Variants in RP1L1 observed in about 807,000 individuals in gnomAD.
The protein encoded by RP1L1 is retinitis pigmentosa 1-like 1 protein.
RP1L1 carries 27 observed loss-of-function variants against 15.7 expected under a neutral mutation model. The observed-to-expected ratio is 1.72, with a 90% confidence interval of 1.27 to 2.38. The LOEUF is 2.38. Among genes scored for constraint, RP1L1 ranks in the 30% most tolerant of loss-of-function variants. The pLI, the probability that RP1L1 is intolerant of heterozygous loss-of-function variation, is 0.00. For missense variants in RP1L1, 4,798 were observed against 3,075.9 expected, an observed-to-expected ratio of 1.56 and a Z score of -13.24; for synonymous variants, 1,813 against 1,276.7, an observed-to-expected ratio of 1.42 and a Z score of -8.96.
rs763480431 is a variant in RP1L1, at chr8:10,610,667, G to A, written c.3431C>T (p.Ser1144Phe). Residue 1144 changes from serine (S) to phenylalanine (F), a missense_variant, in exon 4 of 4, where the codon TCC becomes TTC. By Grantham distance (155) the Ser-to-Phe change is radical (BLOSUM62 -2). Coordinates refer to ENST00000382483, the MANE Select transcript of RP1L1 (RefSeq NM_178857.6). ...GCTGAGCAGCTCCTGGTACCGAGGGGAGTCTTTGAACCTCACTTTGCTGGC... is the reference window on the plus strand; with the variant it reads ...GCTGAGCAGCTCCTGGTACCGAGGGAAGTCTTTGAACCTCACTTTGCTGGC... ...SPASKVRFKD[S>F]PRYQELLSIS... 46 of 1,612,212 alleles carry A rather than the reference G, an allele frequency of 2.9e-5. No individual in the cohort carries two copies. The East Asian group carries it at 9.8e-4, about 34-fold the overall frequency.
At chr8:10,617,284 T>C (rs1250730189) in intron 2 of RP1L1, among the ~76,000 whole-genome samples, 2 of 151,796 alleles carry the variant, frequency 1.3e-5, no homozygotes, top group Non-Finnish European at 2.9e-5. Context: ...GTTTGCACTA[T>C]TGATGGGATT....
rs1797855650 is a variant in RP1L1, at chr8:10,611,559, A to C, written c.2539T>G (p.Trp847Gly). Residue 847 changes from tryptophan to glycine, a missense_variant, in exon 4 of 4, where the codon TGG (tryptophan) becomes GGG (glycine). By Grantham distance (184) the Trp-to-Gly change is radical. Coordinates refer to ENST00000382483, the MANE Select transcript of RP1L1 (RefSeq NM_178857.6). Reference sequence around the variant, plus strand: ...GTGGGACAGTACCTGCCACACAGCCAGCTAGCCTCAGGGGAGGGTCCCCGC... The same window carrying C: ...GTGGGACAGTACCTGCCACACAGCCCGCTAGCCTCAGGGGAGGGTCCCCGC... The part of the protein sequence containing the change: ...AQRGPSPEAS[W>G]LCGRYCPTPP... 2 of 1,602,028 alleles carry C rather than the reference A, an allele frequency of 1.2e-6. No homozygotes were observed. The highest frequency in any genetic ancestry group is 1.3e-5 in the African/African-American group (1 of 74,824).
chr8:10,651,755 T>TAAAAA (rs56269757), intron 1 of RP1L1, among the ~76,000 whole-genome samples: 7 of 101,760 alleles, frequency 6.9e-5, no homozygotes, highest in African/African-American at 1.1e-4. Context: ...GACTCCGTCT[T>TAAAAA]AAAAAAAAAA....
intron 2 of RP1L1, among the ~76,000 whole-genome samples, chr8:10,618,132 GCC>G (rs1798000581): frequency 1.3e-5 from 2 of 152,262 alleles, no homozygotes; most frequent in Middle Eastern, 3.4e-3. Context: ...TCTCTCATTG[GCC>G]AGCCATGCAA....
chr8:10,637,720 C>G, intron 1 of RP1L1, among the ~76,000 whole-genome samples: 1 of 152,320 alleles, frequency 6.6e-6, no homozygotes, highest in East Asian at 1.9e-4. Flanking sequence ...TAGCTGATAT[C>G]TGTGGTAACT....
chr8:10,650,952 G>A (rs1013901419), intron 1 of RP1L1, among the ~76,000 whole-genome samples: 17 of 152,296 alleles, frequency 1.1e-4, no homozygotes, highest in South Asian at 4.1e-4. Flanking sequence ...TATTATCCCC[G>A]TTTGATAAGT....
chr8:10,625,986 C>A (rs551061157), intron 1 of RP1L1, among the ~76,000 whole-genome samples: 1 of 151,792 alleles, frequency 6.6e-6, no homozygotes, highest in African/African-American at 2.4e-5. Context: ...AAAGCAGAGG[C>A]CTTCCAGCTG....
At chr8:10,614,400 C>T (rs958125280) in intron 3 of RP1L1, among the ~76,000 whole-genome samples, 1 of 152,106 alleles carries the variant, frequency 6.6e-6, no homozygotes, top group South Asian at 2.1e-4. Context: ...TAGCTCACGC[C>T]TGTAATCCCA....
At chr8:10,620,865 T>C (rs552097275) in intron 2 of RP1L1, among the ~76,000 whole-genome samples, 1 of 152,150 alleles carries the variant, frequency 6.6e-6, no homozygotes, top group South Asian at 2.1e-4. Context: ...CCACGGCCCA[T>C]GTAGTGAGGA....
chr8:10,653,459 AAC>A (rs57172931), intron 1 of RP1L1, among the ~76,000 whole-genome samples: 27 of 148,724 alleles, frequency 1.8e-4, no homozygotes, highest in African/African-American at 5.0e-4. Flanking sequence ...GTCTCCCTCC[AAC>A]ACACACACAC....
chr8:10,652,369 G>A (rs1798575583), intron 1 of RP1L1, among the ~76,000 whole-genome samples: 1 of 152,178 alleles, frequency 6.6e-6, no homozygotes, highest in South Asian at 2.1e-4. Flanking sequence ...AAGGGTTGGG[G>A]GCCTCCTCAG....
chr8:10,614,267 A>C (rs931760662), intron 3 of RP1L1, among the ~76,000 whole-genome samples: 1 of 152,178 alleles, frequency 6.6e-6, no homozygotes, highest in Admixed American at 6.5e-5. Context: ...GGCTGCAGGG[A>C]AGGACCTGGG....
At chr8:10,625,537 C>G (rs1455979736) in intron 1 of RP1L1, among the ~76,000 whole-genome samples, 1 of 152,020 alleles carries the variant, frequency 6.6e-6, no homozygotes, top group South Asian at 2.1e-4. Flanking sequence ...GGGGAAGCAT[C>G]TAGATGAGGT....
intron 1 of RP1L1, among the ~76,000 whole-genome samples, chr8:10,648,023 C>A (rs1798504550): frequency 1.3e-5 from 2 of 151,890 alleles, no homozygotes; most frequent in Admixed American, 6.6e-5. Context: ...TCTGGTTTCT[C>A]TCTCTCTCTC....
In RP1L1 at chr8:10,610,559, G is replaced by C. The variant is rs771409134; in HGVS notation, c.3539C>G (p.Ala1180Gly). The stretch of plus-strand genomic sequence containing the variant: ...GGCATGGGACCCAAGGTCTGGCAGA[G>C]CCTGGCTCCATGTGAGCTCCCAGAG... ...SGLWELTWSQ[A>G]LPDLGSHAMT... Residue 1180 changes from alanine to glycine, a missense_variant, in exon 4 of 4, where the codon GCT becomes GGT. Coordinates refer to ENST00000382483, the MANE Select transcript of RP1L1 (RefSeq NM_178857.6). 1 of 1,613,562 alleles carries C rather than the reference G, an allele frequency of 6.2e-7. No homozygotes were observed. Among genetic ancestry groups the C allele is most frequent in the Admixed American group, 1.7e-5 (1 of 60,008 alleles).
In RP1L1 at chr8:10,635,588, C is replaced by T. The variant is rs553064993; in HGVS notation, c.-19-12368G>A. ...TGTACTATGTTGCTCTCCAGGGGACCGTGGAATTGAGAAAGGGAGGAGTCT... is the reference window on the plus strand; with the variant it reads ...TGTACTATGTTGCTCTCCAGGGGACTGTGGAATTGAGAAAGGGAGGAGTCT... On this transcript the variant is annotated intron_variant, in intron 1 of 3. Coordinates refer to ENST00000382483, the MANE Select transcript of RP1L1 (RefSeq NM_178857.6). Among the ~76,000 whole-genome samples, 13 of 152,182 alleles carry T rather than the reference C, an allele frequency of 8.5e-5. 1 individual carries two copies. The highest frequency in any genetic ancestry group is 8.3e-4 in the South Asian group (4 of 4,822).
In RP1L1 at chr8:10,608,998, G is replaced by T. The variant is rs1035389036; in HGVS notation, c.5100C>A (p.His1700Gln). The T allele has an allele frequency of 4.3e-6, 7 of 1,613,296 alleles. No homozygotes were observed. The highest frequency in any genetic ancestry group is 4.2e-6 in the Non-Finnish European group (5 of 1,179,308). The change falls in exon 4 of 4, where the codon CAC (histidine) becomes CAA (glutamine). Residue 1700 changes from histidine to glutamine, a missense_variant. By Grantham distance (24) the His-to-Gln change is conservative. Transcript: ENST00000382483. The part of the protein sequence containing the change: ...QQILQRKRGE[H>Q]TDGEAAEVAP... The stretch of plus-strand genomic sequence containing the variant: ...CCACCTCTGCTGCCTCCCCATCAGT[G>T]TGTTCTCCCCTCTTCCTCTGCAGAA...
chr8:10,646,817 C>T (rs1042973161), intron 1 of RP1L1, among the ~76,000 whole-genome samples: 9 of 152,230 alleles, frequency 5.9e-5, no homozygotes, highest in South Asian at 2.1e-4. Context: ...CTGCTTTCCG[C>T]GGAGAGGCTA....
At chr8:10,640,987 T>C (rs1433313959) in intron 1 of RP1L1, among the ~76,000 whole-genome samples, 1 of 152,138 alleles carries the variant, frequency 6.6e-6, no homozygotes, top group African/African-American at 2.4e-5. Context: ...CACAGGCAGG[T>C]TGCAAACTCT....
Sources: allele counts gnomAD v4.1 joint callset (sites outside exome capture counted in the v4.1 genomes callset), GRCh38; gene constraint gnomAD v4.1.1; transcripts MANE v1.5; gene names NCBI Gene and HGNC (gene_info 2026-07-23, HGNC 2026-07-21).